The following CBL variants were observed in gnomAD, a reference collection of about 807,000 sequenced individuals.
The protein encoded by CBL is E3 ubiquitin-protein ligase CBL.
In CBL, 45 loss-of-function variants were observed where a neutral mutation model predicts 96.9. That is an observed-to-expected ratio of 0.46 (90% CI 0.37 to 0.60). The LOEUF is 0.60. CBL is among the 20% of genes least tolerant of loss of function. The pLI is 0.00. For missense variants in CBL, 1,024 were observed against 1,143.5 expected (o/e 0.90, Z 1.51); for synonymous variants, 420 against 426.8 (o/e 0.98, Z 0.20).
intron 12 of CBL, chr11:119,289,755 T>C (rs1283860241): frequency 1.3e-5 from 2 of 152,304 alleles, no homozygotes; most frequent in East Asian, 3.9e-4. Flanking sequence ...TTCATTTATT[T>C]ATTTAAAGAT....
chr11:119,298,672 A>G (rs1276009544), intron 15 of CBL, 132 bp downstream of exon 15: 7 of 832,710 alleles, frequency 8.4e-6, no homozygotes, highest in Non-Finnish European at 1.2e-5. Flanking sequence ...AAATGGGAGG[A>G]AAGTCCCAAG....
chr11:119,270,433 TA>T, intron 2 of CBL, among the ~76,000 whole-genome samples: 3 of 67,548 alleles, frequency 4.4e-5, no homozygotes, highest in African/African-American at 1.3e-4. Flanking sequence ...TATATATATA[TA>T]TATTTTTTTT....
At chr11:119,290,762 G>A (rs1056129567) in intron 12 of CBL, among the ~76,000 whole-genome samples, 31 of 150,790 alleles carry the variant, frequency 2.1e-4, no homozygotes, top group Non-Finnish European at 3.0e-4. Flanking sequence ...TGCAACCTCC[G>A]CCTCCTGGGT....
chr11:119,229,580 C>CTG (rs1351838193), intron 1 of CBL, among the ~76,000 whole-genome samples: 1 of 151,982 alleles, frequency 6.6e-6, no homozygotes, highest in East Asian at 1.9e-4. Context: ...GAGCTCCAGC[C>CTG]TGAGAGACAG....
At chr11:119,294,505 G>A (rs1055140560) in intron 12 of CBL, among the ~76,000 whole-genome samples, 4 of 145,430 alleles carry the variant, frequency 2.8e-5, no homozygotes, top group African/African-American at 1.0e-4. Flanking sequence ...AGAAAATATA[G>A]GTAAGCAGGC....
In CBL at chr11:119,305,268, TC is replaced by T. The variant is rs1475689305; in HGVS notation, c.*5490del. The stretch of plus-strand genomic sequence containing the variant: ...GTCAGTCTTCGCATCCAAGATTTCT[TC>T]CCTCCCTCTTGTGGGCCAGCCTGTC... On this transcript the variant is annotated 3_prime_UTR_variant, in exon 16 of 16. Coordinates refer to ENST00000264033, the MANE Select transcript of CBL (RefSeq NM_005188.4). 4.3e-6 allele frequency: 1 copy of T among 232,014 alleles called. No homozygotes were observed. The highest frequency in any genetic ancestry group is 2.2e-5 in the African/African-American group (1 of 45,270). 14.4% of individuals were successfully genotyped at this position (232,014 alleles called of 1,614,324 possible).
chr11:119,286,857 G>A (rs1445628302), intron 11 of CBL, among the ~76,000 whole-genome samples: 1 of 152,184 alleles, frequency 6.6e-6, no homozygotes, highest in Non-Finnish European at 1.5e-5. Flanking sequence ...GAGGAAGATG[G>A]AATATAAACA....
Position 119,274,965 on chromosome 11 carries a change from G to T in CBL, c.869+12G>T. 6.2e-7 allele frequency: 1 copy of T among 1,611,556 alleles called. No homozygotes were observed. The highest frequency in any genetic ancestry group is 1.1e-5 in the South Asian group (1 of 90,526). On this transcript the variant is annotated intron_variant, in intron 5 of 15. Transcript: ENST00000264033. ...CACAAACCTGGCAGGTCAGTTCAAT[G>T]ACGCAAAGAGATTTATTCTTCTGAA... is the stretch of plus-strand genomic sequence containing the variant.
intron 12 of CBL, among the ~76,000 whole-genome samples, chr11:119,295,947 C>G (rs1272171635): frequency 6.6e-6 from 1 of 152,114 alleles, no homozygotes; most frequent in African/African-American, 2.4e-5. Context: ...ATGCATTGCA[C>G]AAATCTTAAG....
chr11:119,227,547 A>G (rs1949468284), intron 1 of CBL, among the ~76,000 whole-genome samples: 1 of 151,206 alleles, frequency 6.6e-6, no homozygotes, highest in Admixed American at 6.6e-5. Context: ...TGAACCTTAT[A>G]ATTTTCTTTT....
chr11:119,216,002 A>G (rs1949357409), intron 1 of CBL, among the ~76,000 whole-genome samples: 1 of 152,158 alleles, frequency 6.6e-6, no homozygotes, highest in Non-Finnish European at 1.5e-5. Flanking sequence ...GCAAGGAGGG[A>G]GAGGGGGTGC....
At chr11:119,277,599 A>C (rs1034679649) in intron 6 of CBL, among the ~76,000 whole-genome samples, 158 bp from the exon 7 acceptor site, 11 of 151,936 alleles carry the variant, frequency 7.2e-5, no homozygotes, top group African/African-American at 2.7e-4. Context: ...TTGAAGTATT[A>C]TTTTTTGGAA....
chr11:119,295,494 G>A (rs1160868712), intron 12 of CBL, among the ~76,000 whole-genome samples: 3 of 152,022 alleles, frequency 2.0e-5, no homozygotes, highest in Admixed American at 2.0e-4. Context: ...GGCTGGGGCG[G>A]GAGGATCACT....
At chr11:119,257,241 C>G (rs1054210440) in intron 2 of CBL, among the ~76,000 whole-genome samples, 3 of 152,182 alleles carry the variant, frequency 2.0e-5, no homozygotes, top group Non-Finnish European at 2.9e-5. Context: ...ATGAAGCATT[C>G]CCTTTCACTA....
At chr11:119,237,048 A>G (rs1949551992) in intron 2 of CBL, among the ~76,000 whole-genome samples, 1 of 152,228 alleles carries the variant, frequency 6.6e-6, no homozygotes, top group African/African-American at 2.4e-5. Context: ...GCTGGGATGC[A>G]AAGCATCCCT....
chr11:119,265,569 A>ATT (rs1466140943), intron 2 of CBL, among the ~76,000 whole-genome samples: 2 of 152,096 alleles, frequency 1.3e-5, no homozygotes, highest in Non-Finnish European at 1.5e-5. Flanking sequence ...TGGGCAATAT[A>ATT]GTGAGACCCC....
chr11:119,220,377 G>T (rs1949398539), intron 1 of CBL, among the ~76,000 whole-genome samples: 1 of 152,158 alleles, frequency 6.6e-6, no homozygotes. Context: ...GAGAGATTAT[G>T]GTGGGAGAAT....
intron 1 of CBL, among the ~76,000 whole-genome samples, chr11:119,222,198 G>A (rs1298606182): frequency 1.3e-5 from 2 of 152,046 alleles, no homozygotes; most frequent in African/African-American, 4.8e-5. Flanking sequence ...TCTTACATGT[G>A]TATGGTTTTC....
intron 12 of CBL, 131 bp from the exon 13 acceptor site, chr11:119,296,787 A>G: frequency 1.5e-6 from 1 of 677,834 alleles, no homozygotes. Flanking sequence ...AGCAGAAATA[A>G]TAGTTCCCTA....
Sources: allele counts gnomAD v4.1 joint callset (sites outside exome capture counted in the v4.1 genomes callset), GRCh38; gene constraint gnomAD v4.1.1; transcripts MANE v1.5; gene names NCBI Gene and HGNC (gene_info 2026-07-23, HGNC 2026-07-21).